RASL12: variants seen among roughly 807,000 people sequenced by gnomAD.
RASL12 encodes the protein RAS like family 12.
Under a neutral mutation model 22.9 loss-of-function variants are expected in RASL12, and 16 were observed. The observed-to-expected ratio is 0.70, with a 90% CI of 0.47 to 1.06. The LOEUF is 1.06. Ranked by LOEUF, RASL12 falls within the 50% of genes least tolerant of loss-of-function variation. The pLI is 0.00. For synonymous variants in RASL12, 159 were observed against 152.2 expected (o/e 1.04, Z -0.33); for missense variants, 306 against 353.1 (o/e 0.87, Z 1.07).
chr15:65,051,669 G>A, downstream of RASL12: 2 of 1,505,500 alleles, frequency 1.3e-6, no homozygotes, highest in Non-Finnish European at 1.8e-6. Context: ...CCTTCCCAGA[G>A]GGAAATCTAG....
upstream of RASL12, among the ~76,000 whole-genome samples, chr15:65,071,399 T>C (rs1303358716): frequency 6.6e-6 from 1 of 151,958 alleles, no homozygotes; most frequent in African/African-American, 2.4e-5. Flanking sequence ...CCTTGTCCTC[T>C]CCAAATCCCA....
rs1566952135 is a variant in RASL12 at position 65,054,054 on chromosome 15, G to A, written c.*845C>T. On this transcript the variant is annotated 3_prime_UTR_variant, in exon 5 of 5. Coordinates refer to ENST00000220062, the MANE Select transcript of RASL12 (RefSeq NM_016563.4). ...AGGGGGGCAGGCCCTGTAGCCCCTG[G>A]ATGGGTCTGATGCTGCTGTGGGCTC... is the stretch of plus-strand genomic sequence containing the variant. The A allele has an allele frequency of 1.0e-6, 1 of 985,906 alleles. No homozygotes were observed. The highest frequency in any genetic ancestry group is 1.1e-4 in the East Asian group (1 of 8,810). 61.1% of individuals were successfully genotyped at this position (985,906 alleles called of 1,614,324 possible). A position where few individuals can be genotyped will look rare whatever the true frequency, so the allele number is the denominator to read the frequency against.
intron 2 of RASL12, among the ~76,000 whole-genome samples, chr15:65,064,875 T>A (rs1000652350): frequency 2.6e-5 from 4 of 152,250 alleles, no homozygotes; most frequent in African/African-American, 9.6e-5. Context: ...ATTACAGGCA[T>A]TAGCCACCGC....
downstream of RASL12, among the ~76,000 whole-genome samples, chr15:65,051,780 A>AAACAAACC (rs981424357): frequency 4.0e-5 from 6 of 151,400 alleles, no homozygotes; most frequent in African/African-American, 1.2e-4. Flanking sequence ...ACAAACAAAC[A>AAACAAACC]AACAAACAAA....
chr15:65,053,575 G>A lies in RASL12; in HGVS notation c.*1324C>T, dbSNP rs148034646. 518 of 1,004,864 alleles carry A rather than the reference G, an allele frequency of 5.2e-4. 1 individual carries two copies. The African/African-American group carries it at 7.2e-3, about 14-fold the overall frequency. 62.2% of individuals were successfully genotyped at this position (1,004,864 alleles called of 1,614,324 possible). ...GCTCCTCCATTTACAGAATGAGTCC[G>A]AAGACTGGGTCAGAGATGCTGTTTG... On this transcript the variant is annotated 3_prime_UTR_variant, in exon 5 of 5. Transcript: ENST00000220062.
At position 65,054,212 on chromosome 15, in the gene RASL12, G is replaced by C; in HGVS notation, c.*687C>G. On this transcript the variant is annotated 3_prime_UTR_variant, in exon 5 of 5. Coordinates refer to ENST00000220062, the MANE Select transcript of RASL12 (RefSeq NM_016563.4). ...GGGAAAACACATGGAGAATCTGTCT[G>C]CTGGTGAAAGAACTCTGGGGCTCCT... 3.0e-6 allele frequency: 3 copies of C among 985,960 alleles called. No homozygotes were observed. Among genetic ancestry groups the C allele is most frequent in the Non-Finnish European group, 2.4e-6 (2 of 829,996 alleles). 61.1% of individuals were successfully genotyped at this position (985,960 alleles called of 1,614,324 possible).
intron 4 of RASL12, among the ~76,000 whole-genome samples, chr15:65,056,940 G>C (rs1210550480): frequency 7.2e-6 from 1 of 139,444 alleles, no homozygotes; most frequent in Non-Finnish European, 1.5e-5. Flanking sequence ...CAAAGATTGG[G>C]GTCAAAAGAG....
chr15:65,057,300 G>T (rs965828311), intron 4 of RASL12, among the ~76,000 whole-genome samples: 1 of 152,352 alleles, frequency 6.6e-6, no homozygotes, highest in East Asian at 1.9e-4. Flanking sequence ...GCTGGTGGAA[G>T]GGGCTATCCC....
intron 3 of RASL12, among the ~76,000 whole-genome samples, 199 bp downstream of exon 3, chr15:65,059,146 C>A (rs7175752): frequency 1.3e-5 from 2 of 152,084 alleles, no homozygotes; most frequent in Admixed American, 6.5e-5. Flanking sequence ...CATGTCTCTC[C>A]AGGCCCTGTC....
downstream of RASL12, among the ~76,000 whole-genome samples, chr15:65,051,973 C>T (rs558696242): frequency 2.6e-5 from 4 of 152,294 alleles, no homozygotes; most frequent in East Asian, 1.9e-4. Flanking sequence ...GTTCCCCCTA[C>T]GACCCAGTCA....
chr15:65,071,532 C>T (rs911524221), upstream of RASL12, among the ~76,000 whole-genome samples: 1 of 152,174 alleles, frequency 6.6e-6, no homozygotes, highest in Non-Finnish European at 1.5e-5. Context: ...CATGACCCCC[C>T]ACCTTGGATG....
downstream of RASL12, chr15:65,049,820 A>T: frequency 4.2e-6 from 2 of 471,656 alleles, no homozygotes; most frequent in Non-Finnish European, 3.8e-6. Context: ...TTTGGGCCAG[A>T]GGAGATCTGG....
upstream of RASL12, among the ~76,000 whole-genome samples, chr15:65,069,274 G>A (rs2086914847): frequency 1.3e-5 from 2 of 152,262 alleles, no homozygotes; most frequent in African/African-American, 4.8e-5. Flanking sequence ...TATTAAGGTA[G>A]TGGGTGGAAT....
chr15:65,048,860 T>A (rs2086609372), downstream of RASL12, among the ~76,000 whole-genome samples: 1 of 151,802 alleles, frequency 6.6e-6, no homozygotes, highest in African/African-American at 2.4e-5. Flanking sequence ...AATACAAAAA[T>A]TAGTGGGGCG....
At chr15:65,066,061 A>T (rs964390146) in intron 1 of RASL12, among the ~76,000 whole-genome samples, 1 of 147,024 alleles carries the variant, frequency 6.8e-6, no homozygotes, top group African/African-American at 2.5e-5. Context: ...AAGAGAAGAG[A>T]AGAGTAGAGA....
At chr15:65,048,096 G>C in the RASL12 span, among the ~76,000 whole-genome samples, 3 of 151,822 alleles carry the variant, frequency 2.0e-5, no homozygotes, top group Non-Finnish European at 4.4e-5. Context: ...AACGAGAACC[G>C]CTTGGACCCA....
intron 3 of RASL12, 44 bp downstream of exon 3, chr15:65,059,301 T>A (rs771117162): frequency 2.5e-5 from 39 of 1,539,056 alleles, no homozygotes; most frequent in Non-Finnish European, 3.3e-5. Context: ...CTCAGGAGGC[T>A]ATACTGACTC....
intron 2 of RASL12, among the ~76,000 whole-genome samples, chr15:65,062,172 T>C (rs2086816949): frequency 6.6e-6 from 1 of 151,708 alleles, no homozygotes; most frequent in African/African-American, 2.4e-5. Context: ...TGAGGCACCC[T>C]CAGCCCTTCT....
Position 65,055,063 on chromosome 15 carries a change from G to A in RASL12, c.637C>T (p.Arg213Trp), listed in dbSNP as rs146186397. The A allele has an allele frequency of 2.1e-5, 34 of 1,612,970 alleles. No individual in the cohort carries two copies. The highest frequency in any genetic ancestry group is 1.9e-4 in the African/African-American group (14 of 75,058). ...AAGGTGCAGCTGGCCAGCCCATGCC[G>A]CGCGGTGAGCGGGGCCTGGTGGGGC... ...ALPHQAPLTA[R>W]HGLASCTFNT... The change falls in exon 5 of 5, where the codon CGG becomes TGG. Residue 213 changes from arginine (R) to tryptophan (W), a missense_variant. By Grantham distance (101) the Arg-to-Trp change is moderately radical (BLOSUM62 -3). Transcript: ENST00000220062.
Sources: allele counts gnomAD v4.1 joint callset (sites outside exome capture counted in the v4.1 genomes callset), GRCh38; gene constraint gnomAD v4.1.1; transcripts MANE v1.5; gene names NCBI Gene and HGNC (gene_info 2026-07-23, HGNC 2026-07-21).